The following PDE1C variants were observed in gnomAD, a reference collection of about 807,000 sequenced individuals.
PDE1C encodes the protein dual specificity calcium/calmodulin-dependent 3',5'-cyclic nucleotide phosphodiesterase 1C.
In PDE1C, 62 loss-of-function variants were observed where a neutral mutation model predicts 93.1. The ratio of observed to expected loss-of-function variants is 0.67; its 90% confidence interval spans 0.54 to 0.82. The LOEUF (loss-of-function observed/expected upper bound fraction) is 0.82. Among genes scored for constraint, PDE1C ranks in the 40% least tolerant of loss-of-function variants. The pLI is 0.00. For synonymous variants in PDE1C, 325 were observed against 310.1 expected (o/e 1.05, Z -0.50); for missense variants, 742 against 884.6 (o/e 0.84, Z 2.04).
intron 2 of PDE1C, among the ~76,000 whole-genome samples, chr7:32,018,568 G>C (rs1269437454): frequency 6.6e-6 from 1 of 152,114 alleles, no homozygotes; most frequent in Non-Finnish European, 1.5e-5. Flanking sequence ...AAACGCAAAA[G>C]ATCAGAAATT....
chr7:32,314,175 ACTATATTACAGCT>A (rs1783120463), intron 1 of PDE1C, among the ~76,000 whole-genome samples: 1 of 152,168 alleles, frequency 6.6e-6, no homozygotes, highest in East Asian at 1.9e-4. Context: ...CAATTTTAAT[ACTATATTACAGCT>A]CTGGCATTAG....
In PDE1C at chr7:31,932,915, A is replaced by G. The variant is rs111544186; in HGVS notation, c.129-52055T>C. ...GAAGAATGAGTTCATGTTCTTTGCA[A>G]GGACGTGGATGAAACTGGAAACCAT... On this transcript the variant is annotated intron_variant, in intron 2 of 17. Coordinates refer to ENST00000396191, the MANE Select transcript of PDE1C (RefSeq NM_001191057.4). Among the ~76,000 whole-genome samples the G allele has an allele frequency of 9.0e-3, 1,365 of 152,258 alleles. 22 individuals are homozygous for G. The highest frequency in any genetic ancestry group is 0.031 in the African/African-American group (1,279 of 41,554).
At position 32,196,067 on chromosome 7, in the gene PDE1C, T is replaced by C. The variant is rs559275185; in HGVS notation, c.136+13422A>G. 3.3e-5 allele frequency among the ~76,000 whole-genome samples: 5 copies of C among 152,268 alleles called. No homozygotes were observed. The South Asian group carries it at 8.3e-4, about 25-fold the overall frequency. ...ATGCTTGGTTACTGTCAGTTAGAAG[T>C]GGCAGCCTAGGTTCCCCACATATTC... On this transcript the variant is annotated intron_variant, in intron 2 of 18. Coordinates refer to the PDE1C transcript ENST00000396193.
At chr7:32,068,596 C>G (rs1213374724) in intron 1 of PDE1C, among the ~76,000 whole-genome samples, 1 of 151,732 alleles carries the variant, frequency 6.6e-6, no homozygotes, top group East Asian at 1.9e-4. Context: ...ACTGCAACAC[C>G]TTGGAGAGAG....
rs1011845444 is a variant in PDE1C at position 31,930,193 on chromosome 7, C to T, written c.129-49333G>A. Among the ~76,000 whole-genome samples, 3 of 152,230 alleles carry T rather than the reference C, an allele frequency of 2.0e-5. No homozygotes were observed. In the East Asian group the frequency reaches 5.8e-4, roughly 29 times the overall value. On this transcript the variant is annotated intron_variant, in intron 2 of 17. Coordinates refer to ENST00000396191, the MANE Select transcript of PDE1C (RefSeq NM_001191057.4). Reference sequence around the variant, plus strand: ...ATGGATAAATTCCTGGACACATACACCCTCCCAGGACTAAAACAGGAGGAA... The same window carrying T: ...ATGGATAAATTCCTGGACACATACATCCTCCCAGGACTAAAACAGGAGGAA...
chr7:31,617,193 T>C, the PDE1C span, among the ~76,000 whole-genome samples: 1 of 152,184 alleles, frequency 6.6e-6, no homozygotes. Context: ...GAAGGGAAGA[T>C]CCTATTATTT....
At chr7:32,251,915 CT>C (rs1450443389) in intron 1 of PDE1C, among the ~76,000 whole-genome samples, 1 of 152,266 alleles carries the variant, frequency 6.6e-6, no homozygotes, top group East Asian at 1.9e-4. Context: ...CAGTGAGGTC[CT>C]TTTAGGTGAG....
intron 2 of PDE1C, among the ~76,000 whole-genome samples, chr7:32,009,630 C>A (rs1255188295): frequency 1.3e-5 from 2 of 152,168 alleles, no homozygotes; most frequent in Non-Finnish European, 2.9e-5. Context: ...AGCAATGAGA[C>A]AAGGATGTCT....
At chr7:31,975,683 C>T (rs2215819) in intron 2 of PDE1C, among the ~76,000 whole-genome samples, 94,261 of 152,018 alleles carry the variant, frequency 0.62, 30,167 homozygotes, top group African/African-American at 0.79. Context: ...ACAAGTCGCC[C>T]CAACAGTGAG....
intron 17 of PDE1C, among the ~76,000 whole-genome samples, chr7:31,771,621 T>G (rs1795492813): frequency 6.9e-6 from 1 of 145,472 alleles, no homozygotes; most frequent in African/African-American, 2.6e-5. Flanking sequence ...ATCTTTCATA[T>G]GTCTAGATAT....
intron 1 of PDE1C, among the ~76,000 whole-genome samples, chr7:32,228,487 G>A (rs949160327): frequency 6.6e-6 from 1 of 152,158 alleles, no homozygotes; most frequent in Admixed American, 6.5e-5. Flanking sequence ...TAAGGAATTT[G>A]TCCGAGGGCA....
chr7:31,803,576 T>C (rs1420502239), intron 16 of PDE1C, among the ~76,000 whole-genome samples: 2 of 151,806 alleles, frequency 1.3e-5, no homozygotes, highest in African/African-American at 2.4e-5. Context: ...GTCCCCGGTG[T>C]GTGATGTTCC....
At chr7:32,177,868 C>A (rs947906372) in intron 2 of PDE1C, among the ~76,000 whole-genome samples, 5 of 152,164 alleles carry the variant, frequency 3.3e-5, no homozygotes, top group South Asian at 2.1e-4. Context: ...TAATAATAAA[C>A]CCTACCAAGA....
chr7:32,199,223 G>A (rs989396630), intron 2 of PDE1C, among the ~76,000 whole-genome samples: 7 of 151,342 alleles, frequency 4.6e-5, no homozygotes, highest in South Asian at 4.2e-4. Flanking sequence ...TTTGCCCATC[G>A]TCTATACTGT....
At chr7:32,126,735 C>T (rs1799602128) in intron 3 of PDE1C, among the ~76,000 whole-genome samples, 2 of 151,924 alleles carry the variant, frequency 1.3e-5, no homozygotes, top group South Asian at 4.1e-4. Context: ...ATAAACTAAA[C>T]TAAAATTTTA....
chr7:32,343,644 G>A (rs1209436195), intron 1 of PDE1C, among the ~76,000 whole-genome samples: 1 of 152,204 alleles, frequency 6.6e-6, no homozygotes, highest in Admixed American at 6.5e-5. Flanking sequence ...ATATTCAGGT[G>A]AGTTGCTTTT....
intron 2 of PDE1C, among the ~76,000 whole-genome samples, chr7:32,027,607 T>TAAAAA (rs551660766): frequency 2.5e-5 from 2 of 78,500 alleles, no homozygotes; most frequent in African/African-American, 6.1e-5. Flanking sequence ...TCAAAAATGG[T>TAAAAA]AAAAAAAAAA....
At chr7:31,843,563 T>G (rs1792181536) in intron 9 of PDE1C, among the ~76,000 whole-genome samples, 1 of 151,860 alleles carries the variant, frequency 6.6e-6, no homozygotes, top group South Asian at 2.1e-4. Flanking sequence ...CTTTGAACCT[T>G]TTTGTGTATT....
chr7:31,809,530 A>G (rs1172038149), intron 15 of PDE1C, among the ~76,000 whole-genome samples: 3 of 152,104 alleles, frequency 2.0e-5, no homozygotes. Context: ...CATATCACTC[A>G]ATACAGTTAT....
Sources: gnomAD v4.1 joint callset for allele counts (sites outside exome capture counted in the v4.1 genomes callset) on GRCh38, gnomAD v4.1.1 for gene constraint, MANE v1.5 for transcripts, NCBI Gene and HGNC (gene_info 2026-07-23, HGNC 2026-07-21) for gene names.